Variants in RABGAP1L observed in about 807,000 individuals in gnomAD.
The protein encoded by RABGAP1L is rab GTPase-activating protein 1-like.
RABGAP1L carries 63 observed loss-of-function variants against 137.7 expected under a neutral mutation model. The observed-to-expected ratio is 0.46, with a 90% CI of 0.37 to 0.56. The LOEUF (loss-of-function observed/expected upper bound fraction) is 0.56. Among genes scored for constraint, RABGAP1L ranks in the 20% least tolerant of loss-of-function variants. RABGAP1L has a pLI of 0.00. For missense variants in RABGAP1L, 1,095 were observed against 1,244.0 expected (o/e 0.88, Z 1.80); for synonymous variants, 431 against 433.7 (o/e 0.99, Z 0.08).
intron 18 of RABGAP1L, among the ~76,000 whole-genome samples, chr1:174,810,232 G>A (rs1350755284): frequency 6.6e-6 from 1 of 152,164 alleles, no homozygotes; most frequent in African/African-American, 2.4e-5. Flanking sequence ...CATTGTTCTT[G>A]TTGCTGTGGA....
At chr1:174,863,043 C>T (rs1225807744) in intron 19 of RABGAP1L, among the ~76,000 whole-genome samples, 2 of 151,456 alleles carry the variant, frequency 1.3e-5, no homozygotes, top group Non-Finnish European at 2.9e-5. Context: ...TACAGGCGCA[C>T]CTACCATGCC....
intron 13 of RABGAP1L, among the ~76,000 whole-genome samples, chr1:174,589,776 T>C (rs896455301): frequency 5.3e-5 from 8 of 152,176 alleles, no homozygotes; most frequent in Admixed American, 2.6e-4. Flanking sequence ...TGTAGATGTA[T>C]GGATTTACTT....
At chr1:174,982,724 C>T in intron 23 of RABGAP1L, 110 bp from the exon 24 acceptor site, 1 of 1,104,126 alleles carries the variant, frequency 9.1e-7, no homozygotes, top group Non-Finnish European at 1.3e-6. Context: ...TTGTAAAATT[C>T]CTTCTAGGAT....
chr1:174,800,535 G>A (rs1374113314), intron 18 of RABGAP1L: 22 of 1,546,208 alleles, frequency 1.4e-5, no homozygotes, highest in Non-Finnish European at 1.9e-5. Flanking sequence ...CATTTGTAGG[G>A]AATCTGCTAT....
chr1:174,798,065 T>C (rs1383413137), intron 18 of RABGAP1L, among the ~76,000 whole-genome samples: 6 of 151,942 alleles, frequency 3.9e-5, no homozygotes, highest in Non-Finnish European at 8.8e-5. Context: ...TCCTCCCACC[T>C]CAGCCTCTGG....
intron 13 of RABGAP1L, among the ~76,000 whole-genome samples, chr1:174,543,634 A>G (rs909430183): frequency 1.3e-5 from 2 of 152,170 alleles, no homozygotes; most frequent in Non-Finnish European, 2.9e-5. Flanking sequence ...TGAGCCTGTC[A>G]TTATGATGTT....
intron 14 of RABGAP1L, among the ~76,000 whole-genome samples, chr1:174,666,596 A>C (rs1676803333): frequency 6.6e-6 from 1 of 152,224 alleles, no homozygotes; most frequent in Non-Finnish European, 1.5e-5. Flanking sequence ...CTCACATGGC[A>C]GCCTCTTTAT....
At chr1:174,553,765 C>T (rs756460440) in intron 13 of RABGAP1L, among the ~76,000 whole-genome samples, 47 of 152,278 alleles carry the variant, frequency 3.1e-4, no homozygotes, top group Admixed American at 1.1e-3. Flanking sequence ...CTTAGGAAGG[C>T]AGAGGCAGGC....
intron 15 of RABGAP1L, among the ~76,000 whole-genome samples, chr1:174,686,882 A>G (rs1350932422): frequency 6.6e-6 from 1 of 151,344 alleles, no homozygotes; most frequent in African/African-American, 2.4e-5. Flanking sequence ...GCTGGTCTTG[A>G]TCTCCTGACC....
intron 13 of RABGAP1L, among the ~76,000 whole-genome samples, chr1:174,484,718 T>C (rs1659463533): frequency 6.6e-6 from 1 of 152,206 alleles, no homozygotes; most frequent in Non-Finnish European, 1.5e-5. Flanking sequence ...TGTGGGTTTA[T>C]TTCTAGGTTC....
At chr1:174,450,988 T>C (rs1655374943) in intron 13 of RABGAP1L, among the ~76,000 whole-genome samples, 1 of 152,152 alleles carries the variant, frequency 6.6e-6, no homozygotes, top group African/African-American at 2.4e-5. Flanking sequence ...TTTTTAAACA[T>C]GTAAGAAAGA....
chr1:174,455,596 G>T (rs1330689324), intron 13 of RABGAP1L, among the ~76,000 whole-genome samples: 1 of 151,980 alleles, frequency 6.6e-6, no homozygotes, highest in Non-Finnish European at 1.5e-5. Flanking sequence ...GCTTTAAGAT[G>T]TTTACTTATG....
intron 11 of RABGAP1L, among the ~76,000 whole-genome samples, chr1:174,324,028 G>A (rs1680235735): frequency 6.6e-6 from 1 of 152,084 alleles, no homozygotes; most frequent in South Asian, 2.1e-4. Flanking sequence ...CAAGCCAAAT[G>A]ACCCCACAGT....
In RABGAP1L at chr1:174,379,372, T is replaced by G. The variant is rs989067367; in HGVS notation, c.1559+8300T>G. ...GATGGCATTGAATCTGTAAATTACC[T>G]TGGGCAGTATGGCCATTTTCACGAT... On this transcript the variant is annotated intron_variant, in intron 12 of 25. Transcript: ENST00000681986. Among the ~76,000 whole-genome samples, 566 of 148,286 alleles carry G rather than the reference T, an allele frequency of 3.8e-3. 5 individuals carry two copies. Among genetic ancestry groups the G allele is most frequent in the African/African-American group, 0.012 (487 of 39,542 alleles).
At chr1:174,798,349 G>C (rs1414175762) in intron 18 of RABGAP1L, among the ~76,000 whole-genome samples, 2 of 151,662 alleles carry the variant, frequency 1.3e-5, no homozygotes, top group Non-Finnish European at 2.9e-5. Flanking sequence ...AGAGCTTGCA[G>C]CTGAGATGCT....
intron 11 of RABGAP1L, among the ~76,000 whole-genome samples, chr1:174,309,385 A>T (rs548851425): frequency 6.6e-6 from 1 of 152,050 alleles, no homozygotes; most frequent in Non-Finnish European, 1.5e-5. Flanking sequence ...AGGACTCATT[A>T]CTATTTTGAA....
rs1362850724 is a variant in RABGAP1L, at chr1:174,946,915, A to ATAT, written c.2341-10542_2341-10541insTAT. Among the ~76,000 whole-genome samples, 151 of 53,884 alleles carry ATAT rather than the reference A, an allele frequency of 2.8e-3. 2 individuals are homozygous for ATAT. The highest frequency in any genetic ancestry group is 3.9e-3 in the Non-Finnish European group (121 of 30,768). The allele number at this position is 53,884 out of a possible 152,430, so 35.3% of individuals were successfully genotyped here. On this transcript the variant is annotated intron_variant, in intron 19 of 25. Transcript: ENST00000681986. ...GACTCCATCTCAAAAAAAAAAAAAA[A>ATAT]AAATATATATATATATATATATATA...
At chr1:174,497,231 A>G (rs1232367923) in intron 13 of RABGAP1L, among the ~76,000 whole-genome samples, 1 of 152,188 alleles carries the variant, frequency 6.6e-6, no homozygotes, top group East Asian at 1.9e-4. Context: ...TATCTTCACC[A>G]TATCACATTA....
chr1:174,590,336 CTTT>C (rs1158642763), intron 13 of RABGAP1L, among the ~76,000 whole-genome samples: 10 of 125,982 alleles, frequency 7.9e-5, no homozygotes, highest in African/African-American at 2.9e-4. Context: ...GTTTTTTTTT[CTTT>C]TTTTTTTTAT....
Sources: allele counts gnomAD v4.1 joint callset (sites outside exome capture counted in the v4.1 genomes callset), GRCh38; gene constraint gnomAD v4.1.1; transcripts MANE v1.5; gene names NCBI Gene and HGNC (gene_info 2026-07-23, HGNC 2026-07-21).